Variants in LNPEP observed in about 807,000 individuals in gnomAD.
LNPEP encodes leucyl-cystinyl aminopeptidase.
A neutral mutation model predicts 120.6 loss-of-function variants in LNPEP; 64 were observed. The observed-to-expected ratio is 0.53, with a 90% confidence interval of 0.43 to 0.65. The LOEUF (loss-of-function observed/expected upper bound fraction) is 0.65, where lower values mean the gene tolerates loss of function less well. LNPEP is among the 30% of genes least tolerant of loss of function. The pLI is 0.00. For missense variants in LNPEP, 1,057 were observed against 1,200.0 expected, an observed-to-expected ratio of 0.88 and a Z score of 1.76; for synonymous variants, 435 against 425.4, an observed-to-expected ratio of 1.02 and a Z score of -0.28.
At chr5:96,973,265 A>G (rs190517613) in intron 1 of LNPEP, among the ~76,000 whole-genome samples, 6 of 151,892 alleles carry the variant, frequency 4.0e-5, no homozygotes, top group African/African-American at 1.4e-4. Context: ...GTCCATTTGG[A>G]CCTACCCAGA....
chr5:96,955,803 A>G (rs1170007954), intron 1 of LNPEP, among the ~76,000 whole-genome samples: 1 of 152,170 alleles, frequency 6.6e-6, no homozygotes, highest in Non-Finnish European at 1.5e-5. Flanking sequence ...CTCTGGGGTA[A>G]ATTCCCATAA....
At chr5:96,976,740 A>C (rs923384171) in intron 1 of LNPEP, among the ~76,000 whole-genome samples, 2 of 151,460 alleles carry the variant, frequency 1.3e-5, no homozygotes, top group African/African-American at 4.9e-5. Flanking sequence ...CTTTTTAGAC[A>C]TTTTTAAATT....
intron 1 of LNPEP, among the ~76,000 whole-genome samples, chr5:96,951,958 G>T (rs1256705798): frequency 6.6e-6 from 1 of 152,068 alleles, no homozygotes. Flanking sequence ...CGAAGGCAGA[G>T]TTATGCTTCT....
At chr5:97,016,232 C>G (rs971264484) in intron 13 of LNPEP, among the ~76,000 whole-genome samples, 9 of 152,118 alleles carry the variant, frequency 5.9e-5, no homozygotes, top group African/African-American at 1.7e-4. Context: ...TTTCATAAGG[C>G]TTTCAGCTAG....
intron 13 of LNPEP, among the ~76,000 whole-genome samples, chr5:97,015,375 T>C (rs1160472179): frequency 1.3e-5 from 2 of 152,168 alleles, no homozygotes; most frequent in Non-Finnish European, 2.9e-5. Context: ...ATTCAGATCC[T>C]GTTTTATTTC....
At position 97,028,498 on chromosome 5, in the gene LNPEP, GAGA is replaced by G. The variant is rs750786676; in HGVS notation, c.3048_3050del (p.Lys1016del). The G allele has an allele frequency of 5.0e-6, 8 of 1,613,988 alleles. No individual in the cohort carries two copies. In the Admixed American group the frequency reaches 1.3e-4, roughly 27 times the overall value. The stretch of plus-strand genomic sequence containing the variant: ...CATTCAGTTGAATATCCAGTGGATG[GAGA>G]AGAACCTCAAAAGTCTCACATGGTG... On this transcript the variant is annotated inframe_deletion, in exon 18 of 18. Coordinates refer to ENST00000231368, the MANE Select transcript of LNPEP (RefSeq NM_005575.3).
chr5:97,010,003 G>T (rs1790887216), intron 11 of LNPEP, among the ~76,000 whole-genome samples: 1 of 151,964 alleles, frequency 6.6e-6, no homozygotes, highest in Non-Finnish European at 1.5e-5. Context: ...TTCAAGGGTT[G>T]TTGGGTTAGT....
At position 96,954,758 on chromosome 5, in the gene LNPEP, A is replaced by ATG. The variant is rs1312072542; in HGVS notation, c.19+18585_19+18586insGT. ...TACATATATATATACACATATATAT[A>ATG]TATATATATATATATTTTTTTTTTT... On this transcript the variant is annotated intron_variant, in intron 1 of 17. Coordinates refer to ENST00000231368, the MANE Select transcript of LNPEP (RefSeq NM_005575.3). Among the ~76,000 whole-genome samples the ATG allele has an allele frequency of 4.4e-5, 2 of 45,310 alleles. 1 individual carries two copies. The highest frequency in any genetic ancestry group is 9.3e-5 in the Non-Finnish European group (2 of 21,418). 29.7% of individuals were successfully genotyped at this position (45,310 alleles called of 152,430 possible). A position where few individuals can be genotyped will look rare whatever the true frequency, so the allele number is the denominator to read the frequency against.
intron 1 of LNPEP, among the ~76,000 whole-genome samples, chr5:96,975,719 TATTAA>T (rs1174476382): frequency 6.6e-6 from 1 of 152,128 alleles, no homozygotes. Flanking sequence ...TTTTATACAT[TATTAA>T]ATTCAATACA....
At chr5:96,976,705 G>A (rs908032844) in intron 1 of LNPEP, among the ~76,000 whole-genome samples, 1 of 151,890 alleles carries the variant, frequency 6.6e-6, no homozygotes, top group East Asian at 1.9e-4. Flanking sequence ...ATCTTCCCAT[G>A]TGTGGTAAAA....
intron 13 of LNPEP, among the ~76,000 whole-genome samples, chr5:97,020,331 G>GT (rs1791162429): frequency 6.6e-6 from 1 of 152,112 alleles, no homozygotes; most frequent in African/African-American, 2.4e-5. Flanking sequence ...GAAGTTAAGG[G>GT]TTTTGCTTGT....
chr5:96,978,725 T>C (rs1790057028), intron 1 of LNPEP, among the ~76,000 whole-genome samples: 1 of 152,154 alleles, frequency 6.6e-6, no homozygotes, highest in Non-Finnish European at 1.5e-5. Context: ...GGACTGTAGG[T>C]GGGCACATCC....
Position 97,029,340 on chromosome 5 carries a change from C to CTTTA in LNPEP, c.*809_*812dup, listed in dbSNP as rs1426371059. The CTTTA allele has an allele frequency of 1.3e-5, 2 of 152,152 alleles. No homozygotes were observed. Among genetic ancestry groups the CTTTA allele is most frequent in the Non-Finnish European group, 2.9e-5 (2 of 67,996 alleles). The allele number at this position is 152,152 out of a possible 1,614,324, so 9.4% of individuals were successfully genotyped here. On this transcript the variant is annotated 3_prime_UTR_variant, in exon 18 of 18. Coordinates refer to ENST00000231368, the MANE Select transcript of LNPEP (RefSeq NM_005575.3). ...GGTGATAGTCCCCAGATCTGTACACCTTTATCACTCCCTGCCGTAGATATA... is the reference window on the plus strand; with the variant it reads ...GGTGATAGTCCCCAGATCTGTACACCTTTATTTATCACTCCCTGCCGTAGATATA...
chr5:97,016,182 T>C (rs1252486023), intron 13 of LNPEP, among the ~76,000 whole-genome samples: 1 of 152,194 alleles, frequency 6.6e-6, no homozygotes, highest in African/African-American at 2.4e-5. Context: ...GATGATTTTC[T>C]GAGGTCTCTT....
intron 13 of LNPEP, 69 bp downstream of exon 13, chr5:97,015,164 G>T (rs1791034867): frequency 2.7e-6 from 3 of 1,119,504 alleles, no homozygotes; most frequent in African/African-American, 1.6e-5. Context: ...TCCATTTTCA[G>T]CCAGTAATAG....
intron 2 of LNPEP, among the ~76,000 whole-genome samples, chr5:96,984,042 C>T (rs1205332346): frequency 6.6e-6 from 1 of 152,148 alleles, no homozygotes; most frequent in East Asian, 1.9e-4. Context: ...GGCTTCATCT[C>T]CAGCCACACT....
chr5:96,982,325 ACTACTTGATAAAGTGTTCAACTTTAGT>A (rs1790146340), intron 2 of LNPEP, among the ~76,000 whole-genome samples: 1 of 152,216 alleles, frequency 6.6e-6, no homozygotes, highest in African/African-American at 2.4e-5. Context: ...TGTCTTGAAC[ACTACTTGATAAAGTGTTCAACTTTAGT>A]ATTTCAGAAA....
At chr5:97,021,111 TTCAGTG>T (rs1791183216) in intron 13 of LNPEP, among the ~76,000 whole-genome samples, 1 of 152,242 alleles carries the variant, frequency 6.6e-6, no homozygotes, top group South Asian at 2.1e-4. Flanking sequence ...ATTAGTTTTC[TTCAGTG>T]TGATAAGGTA....
chr5:96,976,079 T>A (rs1252614597), intron 1 of LNPEP, among the ~76,000 whole-genome samples: 2 of 152,160 alleles, frequency 1.3e-5, no homozygotes, highest in Non-Finnish European at 2.9e-5. Flanking sequence ...GGGGTAATCA[T>A]GTGTTATGTT....
Sources: gnomAD v4.1 joint callset for allele counts (sites outside exome capture counted in the v4.1 genomes callset) on GRCh38, gnomAD v4.1.1 for gene constraint, MANE v1.5 for transcripts, NCBI Gene and HGNC (gene_info 2026-07-23, HGNC 2026-07-21) for gene names.